GSG1: variants seen among roughly 807,000 people sequenced by gnomAD.
GSG1 encodes the protein germ cell-specific gene 1 protein.
GSG1 carries 28 observed loss-of-function variants against 30.8 expected under a neutral mutation model. That is an observed-to-expected ratio of 0.91 (90% CI 0.67 to 1.25). GSG1 has a LOEUF of 1.25. Among genes scored for constraint, GSG1 ranks in the 50% most tolerant of loss-of-function variants. The probability of loss-of-function intolerance (pLI) is 0.00; values close to 1 mark genes in which losing one functional copy is unlikely to be tolerated. For missense variants in GSG1, 435 were observed against 444.7 expected (o/e 0.98, Z 0.20); for synonymous variants, 162 against 178.0 (o/e 0.91, Z 0.71).
At chr12:13,085,326 G>T in intron 6 of GSG1, 83 bp from the exon 7 acceptor site, 2 of 1,271,008 alleles carry the variant, frequency 1.6e-6, no homozygotes, top group Non-Finnish European at 2.2e-6. Flanking sequence ...TCCTACTAGT[G>T]GACTAGCTTA....
intron 1 of GSG1, among the ~76,000 whole-genome samples, chr12:13,099,529 A>G (rs1862994491): frequency 6.6e-6 from 1 of 152,188 alleles, no homozygotes; most frequent in Non-Finnish European, 1.5e-5. Flanking sequence ...CCTGTACTGG[A>G]CAGAACCACA....
chr12:13,091,883 C>T (rs185473862), intron 1 of GSG1, among the ~76,000 whole-genome samples: 1 of 152,294 alleles, frequency 6.6e-6, no homozygotes, highest in East Asian at 1.9e-4. Context: ...TGTTTTTTCT[C>T]CTATTAATCT....
intron 1 of GSG1, among the ~76,000 whole-genome samples, chr12:13,099,422 A>G (rs1862984937): frequency 6.6e-6 from 1 of 152,148 alleles, no homozygotes; most frequent in Non-Finnish European, 1.5e-5. Flanking sequence ...TTCCAAGATG[A>G]CCTCCGCAGG....
chr12:13,091,840 C>T (rs773770217), intron 1 of GSG1, among the ~76,000 whole-genome samples: 9 of 152,242 alleles, frequency 5.9e-5, no homozygotes, highest in Non-Finnish European at 8.8e-5. Context: ...AAGGTTCCCA[C>T]GTCACGTGAA....
chr12:13,094,618 T>G (rs181706485), intron 1 of GSG1, among the ~76,000 whole-genome samples: 21 of 152,368 alleles, frequency 1.4e-4, no homozygotes, highest in Admixed American at 1.3e-3. Context: ...TGAGTCATCC[T>G]TTCTAATAAT....
intron 2 of GSG1, among the ~76,000 whole-genome samples, chr12:13,089,712 C>A (rs1865898211): frequency 6.6e-6 from 1 of 152,202 alleles, no homozygotes; most frequent in Non-Finnish European, 1.5e-5. Flanking sequence ...AGATGATCTG[C>A]TGTGATGCTT....
At chr12:13,100,236 G>A (rs972336348) in intron 1 of GSG1, among the ~76,000 whole-genome samples, 3 of 152,220 alleles carry the variant, frequency 2.0e-5, no homozygotes, top group African/African-American at 7.2e-5. Flanking sequence ...ATAAAGAAGT[G>A]TGTCCAAACA....
intron 1 of GSG1, among the ~76,000 whole-genome samples, chr12:13,098,491 T>G (rs1215443918): frequency 3.0e-5 from 3 of 101,166 alleles, no homozygotes; most frequent in African/African-American, 6.7e-5. Context: ...TTTTTTTTTT[T>G]TGGGCGGCCA....
chr12:13,084,878 T>G lies in GSG1; in HGVS notation c.*23A>C, dbSNP rs745551723. The G allele has an allele frequency of 6.1e-6, 9 of 1,474,430 alleles. No individual in the cohort carries two copies. The highest frequency in any genetic ancestry group is 8.3e-6 in the Non-Finnish European group (9 of 1,088,480). The allele number at this position is 1,474,430 out of a possible 1,614,324, so 91.3% of individuals were successfully genotyped here. The stretch of plus-strand genomic sequence containing the variant: ...AGACGTGTAAGGTAGGGCTCAAGCC[T>G]ACTCCCCAAACCCGCTTAACTCCTA... On this transcript the variant is annotated 3_prime_UTR_variant, in exon 7 of 7. Transcript: ENST00000651961.
chr12:13,091,201 C>T (rs1866102014), intron 1 of GSG1, among the ~76,000 whole-genome samples: 1 of 152,152 alleles, frequency 6.6e-6, no homozygotes, highest in Non-Finnish European at 1.5e-5. Context: ...AGCCATAAAA[C>T]CTAAAAATAT....
At position 13,093,874 on chromosome 12, in the gene GSG1, G is replaced by T. The variant is rs1013233725; in HGVS notation, c.49-3056C>A. Among the ~76,000 whole-genome samples, 1 of 152,224 alleles carries T rather than the reference G, an allele frequency of 6.6e-6. No homozygotes were observed. Among genetic ancestry groups the T allele is most frequent in the Admixed American group, 6.5e-5 (1 of 15,280 alleles). ...GCAAGCTAAAATATGACTGGTATTA[G>T]ACGGCCAACTTTGCTGAGTGGTGGC... is the stretch of plus-strand genomic sequence containing the variant. On this transcript the variant is annotated intron_variant, in intron 1 of 6. Coordinates refer to ENST00000651961, the MANE Select transcript of GSG1 (RefSeq NM_001080555.4). This position sits in a 1 kb window ranked among gnomAD's most constrained non-coding sequence, Gnocchi z 4.6.
intron 1 of GSG1, among the ~76,000 whole-genome samples, chr12:13,099,907 A>G (rs957639765): frequency 3.3e-5 from 5 of 152,268 alleles, no homozygotes; most frequent in Non-Finnish European, 7.4e-5. Context: ...TCAGTAGACA[A>G]AGGCTGGAGT....
chr12:13,092,078 C>T (rs903144530), intron 1 of GSG1, among the ~76,000 whole-genome samples: 1 of 152,132 alleles, frequency 6.6e-6, no homozygotes, highest in Non-Finnish European at 1.5e-5. Flanking sequence ...TGCAGCAATA[C>T]ACAGAAGTAG....
Position 13,084,337 on chromosome 12 carries a change from C to G in GSG1, c.*564G>C, listed in dbSNP as rs959001206. On this transcript the variant is annotated 3_prime_UTR_variant, in exon 7 of 7. Coordinates refer to ENST00000651961, the MANE Select transcript of GSG1 (RefSeq NM_001080555.4). ...TCATGTTAAACCACTCTCCTAAGGG[C>G]TCCTGGGACAATATTTAATAACACT... is the stretch of plus-strand genomic sequence containing the variant. The G allele has an allele frequency of 2.0e-5, 3 of 152,638 alleles. No homozygotes were observed. The highest frequency in any genetic ancestry group is 7.2e-5 in the African/African-American group (3 of 41,418). 9.5% of individuals were successfully genotyped at this position (152,638 alleles called of 1,614,324 possible). A position where few individuals can be genotyped will look rare whatever the true frequency, so the allele number is the denominator to read the frequency against.
chr12:13,099,119 C>G, intron 1 of GSG1, among the ~76,000 whole-genome samples: 2 of 152,238 alleles, frequency 1.3e-5, no homozygotes, highest in Admixed American at 1.3e-4. Context: ...CTTGATTCCC[C>G]CTCCCCAAGG....
chr12:13,100,868 A>G (rs1197036767), intron 1 of GSG1, among the ~76,000 whole-genome samples: 1 of 152,188 alleles, frequency 6.6e-6, no homozygotes, highest in East Asian at 1.9e-4. Context: ...ATGGTCGCAC[A>G]ATCAAATGAC....
In GSG1 at chr12:13,088,043, G is replaced by A. The variant is rs369468787; in HGVS notation, c.498C>T (p.Ser166=). 1,424 of 1,614,164 alleles carry A rather than the reference G, an allele frequency of 8.8e-4. 29 individuals are homozygous for A. The South Asian group carries it at 0.015, about 17-fold the overall frequency. ...CGATGTAGGTGATCTGCGTTCCCAG[G>A]GATAACCATAGGATTTCTGCCAGAA... ...PPAKREILWL[S]LGTQITYIGL... Residue 166 remains serine, a synonymous_variant, in exon 5 of 7, where the codon TCC becomes TCT. Transcript: ENST00000651961.
rs1380597188 is a variant in GSG1 at position 13,084,443 on chromosome 12, CAG to C, written c.*456_*457del. On this transcript the variant is annotated 3_prime_UTR_variant, in exon 7 of 7. Coordinates refer to ENST00000651961, the MANE Select transcript of GSG1 (RefSeq NM_001080555.4). ...CTTCTGTGCTATATGACAAAGCACTCAGGGGCGCTTCTGTCTTCCCATCTGTG... is the reference window on the plus strand; with the variant it reads ...CTTCTGTGCTATATGACAAAGCACTCGGGCGCTTCTGTCTTCCCATCTGTG... The C allele has an allele frequency of 6.2e-6, 1 of 161,132 alleles. No homozygotes were observed. The highest frequency in any genetic ancestry group is 2.4e-5 in the African/African-American group (1 of 41,566). The allele number at this position is 161,132 out of a possible 1,614,324, so 10.0% of individuals were successfully genotyped here.
chr12:13,101,447 G>A lies in GSG1; in HGVS notation c.48+2018C>T, dbSNP rs1352042066. Among the ~76,000 whole-genome samples the A allele has an allele frequency of 6.6e-6, 1 of 152,220 alleles. No homozygotes were observed. The highest frequency in any genetic ancestry group is 2.4e-5 in the African/African-American group (1 of 41,462). On this transcript the variant is annotated intron_variant, in intron 1 of 6. Coordinates refer to ENST00000651961, the MANE Select transcript of GSG1 (RefSeq NM_001080555.4). This position sits in a 1 kb window ranked among gnomAD's most constrained non-coding sequence, Gnocchi z 5.8. ...GTACCCGGGCTGTTTCTTCCTCTGGGTCTTCCTCCGTCGGTTGAGAACGGT... is the reference window on the plus strand; with the variant it reads ...GTACCCGGGCTGTTTCTTCCTCTGGATCTTCCTCCGTCGGTTGAGAACGGT...
Sources: gnomAD v4.1 joint callset for allele counts (sites outside exome capture counted in the v4.1 genomes callset) on GRCh38, gnomAD v4.1.1 for gene constraint, Gnocchi (gnomAD v3.1) non-coding constraint, MANE v1.5 for transcripts, NCBI Gene and HGNC (gene_info 2026-07-23, HGNC 2026-07-21) for gene names.